Variants in MAGI3 observed in about 807,000 individuals in gnomAD.
MAGI3 encodes membrane associated guanylate kinase, WW and PDZ domain containing 3.
In MAGI3, 43 loss-of-function variants were observed where a neutral mutation model predicts 121.8. The ratio of observed to expected loss-of-function variants is 0.35; its 90% confidence interval spans 0.28 to 0.46. The LOEUF (loss-of-function observed/expected upper bound fraction) is 0.46, where lower values mean the gene tolerates loss of function less well. MAGI3 is among the 20% of genes least tolerant of loss of function. The pLI is 1.00. For missense variants in MAGI3, 1,547 were observed against 1,797.3 expected (o/e 0.86, Z 2.52); for synonymous variants, 553 against 639.3 (o/e 0.86, Z 2.04).
chr1:113,405,474 C>CAAAAAAAAAAAAAA lies in MAGI3; in HGVS notation c.316+14140_316+14153dup, dbSNP rs5777158. ...CCTGGGCAACAGAGTGAAACTGTCT[C>CAAAAAAAAAAAAAA]AAAAAAAAAAAAAAAAAAAAAAAAA... On this transcript the variant is annotated intron_variant, in intron 1 of 20. Transcript: ENST00000307546. 4.0e-4 allele frequency among the ~76,000 whole-genome samples: 22 copies of CAAAAAAAAAAAAAA among 54,350 alleles called. 1 individual carries two copies. Among genetic ancestry groups the CAAAAAAAAAAAAAA allele is most frequent in the South Asian group, 1.1e-3 (1 of 912 alleles). The allele number at this position is 54,350 out of a possible 152,430, so 35.7% of individuals were successfully genotyped here.
intron 1 of MAGI3, among the ~76,000 whole-genome samples, chr1:113,393,118 C>T (rs530399060): frequency 5.3e-5 from 8 of 152,244 alleles, no homozygotes; most frequent in African/African-American, 1.4e-4. Flanking sequence ...TTAGTCTAAT[C>T]TACCTGTTAT....
intron 1 of MAGI3, among the ~76,000 whole-genome samples, chr1:113,545,262 G>C (rs541719152): frequency 5.9e-5 from 9 of 152,180 alleles, no homozygotes; most frequent in Middle Eastern, 3.4e-3. Context: ...GTGTTTAGAA[G>C]AGAATGGGAT....
intron 2 of MAGI3, among the ~76,000 whole-genome samples, chr1:113,558,578 G>A (rs1311569121): frequency 2.6e-5 from 4 of 151,400 alleles, no homozygotes; most frequent in Admixed American, 6.6e-5. Flanking sequence ...CCAAATCTAC[G>A]ACTGACTGGG....
chr1:113,393,152 A>G (rs151074513), intron 1 of MAGI3, among the ~76,000 whole-genome samples: 268 of 152,284 alleles, frequency 1.8e-3, no homozygotes, highest in South Asian at 3.9e-3. Context: ...CCTCTATATT[A>G]TATTTAACAA....
rs1241094700 is a variant in MAGI3 at position 113,437,848 on chromosome 1, CTTCTTCTTCTTCT to C, written c.316+46501_316+46513del. Among the ~76,000 whole-genome samples, 12 of 61,000 alleles carry C rather than the reference CTTCTTCTTCTTCT, an allele frequency of 2.0e-4. No individual in the cohort carries two copies. The East Asian group carries it at 2.8e-3, about 14-fold the overall frequency. 40.0% of individuals were successfully genotyped at this position (61,000 alleles called of 152,430 possible). Reference sequence around the variant, plus strand: ...TCTTCTTCTTCTTCTTCTTCTTCTTCTTCTTCTTCTTCTTCCTCTTCTTCTTCTTCTCCTTCTC... The same window carrying C: ...TCTTCTTCTTCTTCTTCTTCTTCTTCTCCTCTTCTTCTTCTTCTCCTTCTC... On this transcript the variant is annotated intron_variant, in intron 1 of 20. Coordinates refer to ENST00000307546, the MANE Select transcript of MAGI3 (RefSeq NM_001142782.2).
intron 14 of MAGI3, among the ~76,000 whole-genome samples, chr1:113,653,427 C>T (rs1156630667): frequency 6.6e-6 from 1 of 151,984 alleles, no homozygotes; most frequent in African/African-American, 2.4e-5. Context: ...CAAAAATTAG[C>T]CGGGCATGGT....
chr1:113,496,382 TGATA>T lies in MAGI3; in HGVS notation c.317-53129_317-53126del, dbSNP rs539172301. 2.3e-3 allele frequency among the ~76,000 whole-genome samples: 347 copies of T among 152,278 alleles called. 2 individuals are homozygous for T. Among genetic ancestry groups the T allele is most frequent in the African/African-American group, 8.0e-3 (332 of 41,568 alleles). On this transcript the variant is annotated intron_variant, in intron 1 of 20. Coordinates refer to ENST00000307546, the MANE Select transcript of MAGI3 (RefSeq NM_001142782.2). ...TGAATTAAGAATTGGGAATGCCAATTGATAGATGGATGGTTAAATGCTTATGATA... is the reference window on the plus strand; with the variant it reads ...TGAATTAAGAATTGGGAATGCCAATTGATGGATGGTTAAATGCTTATGATA...
At chr1:113,436,013 A>G (rs1456917896) in intron 1 of MAGI3, among the ~76,000 whole-genome samples, 12 of 151,338 alleles carry the variant, frequency 7.9e-5, no homozygotes, top group Non-Finnish European at 1.5e-4. Flanking sequence ...GTATTTAGAA[A>G]TAATGATTAT....
At chr1:113,663,651 A>G (rs1653900036) in intron 16 of MAGI3, among the ~76,000 whole-genome samples, 1 of 152,192 alleles carries the variant, frequency 6.6e-6, no homozygotes, top group African/African-American at 2.4e-5. Context: ...GAATAATGCC[A>G]CTACAAATGC....
chr1:113,592,966 C>T (rs1648778609), intron 5 of MAGI3, among the ~76,000 whole-genome samples: 1 of 152,116 alleles, frequency 6.6e-6, no homozygotes, highest in African/African-American at 2.4e-5. Flanking sequence ...GAGCCGAGAT[C>T]GGGCCACTGC....
At position 113,683,993 on chromosome 1, in the gene MAGI3, T is replaced by A. The variant is rs1315525592; in HGVS notation, c.4425T>A (p.Gly1475=). The A allele has an allele frequency of 6.3e-7, 1 of 1,577,082 alleles. No individual in the cohort carries two copies. Among genetic ancestry groups the A allele is most frequent in the East Asian group, 2.2e-5 (1 of 44,452 alleles). The change falls in exon 21 of 21, where the codon GGT becomes GGA. Residue 1475 remains glycine, a synonymous_variant. Transcript: ENST00000307546. Reference sequence around the variant, plus strand: ...GAAATAAAGTCACAGGCACTATTGGTATGGCTGAGAAACGGCAGTAACCTT... The same window carrying A: ...GAAATAAAGTCACAGGCACTATTGGAATGGCTGAGAAACGGCAGTAACCTT... ...PSGNKVTGTI[G]MAEKRQ
chr1:113,671,858 T>G, intron 17 of MAGI3, 22 bp downstream of exon 17: 4 of 1,607,640 alleles, frequency 2.5e-6, no homozygotes, highest in Admixed American at 1.7e-5. Flanking sequence ...TTCAGGTTTT[T>G]GTTTTTGTTT....
At chr1:113,634,802 G>T (rs1458292775) in intron 9 of MAGI3, among the ~76,000 whole-genome samples, 1 of 152,110 alleles carries the variant, frequency 6.6e-6, no homozygotes, top group Non-Finnish European at 1.5e-5. Context: ...GGATGGCATT[G>T]AATCTATAAA....
chr1:113,416,037 T>C (rs201835400), intron 1 of MAGI3, among the ~76,000 whole-genome samples: 14,358 of 85,942 alleles, frequency 0.17, 1,708 homozygotes, highest in East Asian at 0.63. Context: ...TGACACATAT[T>C]AATTATGTAA....
At chr1:113,644,652 T>G (rs1557871566) in intron 11 of MAGI3, among the ~76,000 whole-genome samples, 2 of 152,202 alleles carry the variant, frequency 1.3e-5, no homozygotes, top group Admixed American at 1.3e-4. Flanking sequence ...GTGAAAGACC[T>G]GAAACAGTGT....
At chr1:113,629,748 C>CTG (rs760017715) in intron 9 of MAGI3, among the ~76,000 whole-genome samples, 886 of 69,272 alleles carry the variant, frequency 0.013, 6 homozygotes, top group Non-Finnish European at 0.022. Context: ...CTCTCTCTCT[C>CTG]TCTCTCTCTC....
intron 1 of MAGI3, among the ~76,000 whole-genome samples, chr1:113,454,769 C>T (rs1654664286): frequency 6.6e-6 from 1 of 152,096 alleles, no homozygotes; most frequent in Non-Finnish European, 1.5e-5. Flanking sequence ...TCTTGTATTA[C>T]ACAGAATTTC....
At chr1:113,425,737 C>T (rs1312496619) in intron 1 of MAGI3, among the ~76,000 whole-genome samples, 1 of 152,004 alleles carries the variant, frequency 6.6e-6, no homozygotes, top group Non-Finnish European at 1.5e-5. Context: ...TAAATGACTG[C>T]AGGATCCGTC....
At chr1:113,550,411 G>A (rs1274126014) in intron 2 of MAGI3, among the ~76,000 whole-genome samples, 1 of 150,126 alleles carries the variant, frequency 6.7e-6, no homozygotes, top group Non-Finnish European at 1.5e-5. Context: ...GCGAGATTCC[G>A]TCTCAAAAAA....
Sources: allele counts gnomAD v4.1 joint callset (sites outside exome capture counted in the v4.1 genomes callset), GRCh38; gene constraint gnomAD v4.1.1; transcripts MANE v1.5; gene names NCBI Gene and HGNC (gene_info 2026-07-23, HGNC 2026-07-21).